The following CYRIA variants were observed in gnomAD, a reference collection of about 807,000 sequenced individuals.
CYRIA encodes CYFIP-related Rac1 interactor A.
A neutral mutation model predicts 43.9 loss-of-function variants in CYRIA; 15 were observed. The ratio of observed to expected loss-of-function variants is 0.34; its 90% CI spans 0.23 to 0.53. The LOEUF (loss-of-function observed/expected upper bound fraction) is 0.53. CYRIA is among the 20% of genes least tolerant of loss of function. The pLI, the probability that CYRIA is intolerant of heterozygous loss-of-function variation, is 0.94. For synonymous variants in CYRIA, 117 were observed against 136.0 expected (o/e 0.86, Z 0.97); for missense variants, 236 against 394.2 (o/e 0.60, Z 3.40).
intron 1 of CYRIA, among the ~76,000 whole-genome samples, chr2:16,653,612 T>C (rs1334163460): frequency 6.6e-6 from 1 of 152,142 alleles, no homozygotes; most frequent in East Asian, 1.9e-4. Flanking sequence ...GTTAGGGAGT[T>C]TGTGTGTTTG....
At chr2:16,575,187 C>T (rs1667289898) in intron 3 of CYRIA, among the ~76,000 whole-genome samples, 1 of 152,144 alleles carries the variant, frequency 6.6e-6, no homozygotes, top group Admixed American at 6.5e-5. Flanking sequence ...CTGTATTTAC[C>T]CAATGCCTGT....
chr2:16,559,550 C>T lies in CYRIA; in HGVS notation c.747G>A (p.Leu249=), dbSNP rs1346816255. 7 of 1,613,092 alleles carry T rather than the reference C, an allele frequency of 4.3e-6. No homozygotes were observed. The South Asian group carries it at 7.7e-5, about 18-fold the overall frequency. Residue 249 remains leucine, a synonymous_variant, in exon 10 of 12, where the codon CTG becomes CTA. Coordinates refer to ENST00000381323, the MANE Select transcript of CYRIA (RefSeq NM_030797.4). ...YRSRFTSEET[L]MFCMRVMVGV... ...CCACCATCACCCTCATGCAGAACATCAGGGTCTCTTCACTCGTAAACCTAC... is the reference window on the plus strand; with the variant it reads ...CCACCATCACCCTCATGCAGAACATTAGGGTCTCTTCACTCGTAAACCTAC...
chr2:16,642,431 A>G (rs77350598), intron 1 of CYRIA, among the ~76,000 whole-genome samples: 5,421 of 152,180 alleles, frequency 0.036, 142 homozygotes, highest in Middle Eastern at 0.092. Context: ...TTTTGCCTTT[A>G]CCTTGAAAAT....
chr2:16,600,109 G>A (rs1373897002), intron 2 of CYRIA, among the ~76,000 whole-genome samples: 2 of 152,198 alleles, frequency 1.3e-5, no homozygotes, highest in African/African-American at 4.8e-5. Context: ...ATGTCATATA[G>A]CACAAAGTCT....
At chr2:16,591,141 G>C (rs1425205067) in intron 2 of CYRIA, among the ~76,000 whole-genome samples, 1 of 144,440 alleles carries the variant, frequency 6.9e-6, no homozygotes, top group Non-Finnish European at 1.5e-5. Flanking sequence ...AATTCATATA[G>C]AGCTTATTTT....
chr2:16,658,708 T>C (rs2103556891), intron 1 of CYRIA, among the ~76,000 whole-genome samples: 1 of 152,322 alleles, frequency 6.6e-6, no homozygotes, highest in Non-Finnish European at 1.5e-5. Flanking sequence ...CTTTTTTTCT[T>C]TTCTTTTCCT....
chr2:16,620,487 T>C (rs560150217), intron 2 of CYRIA, among the ~76,000 whole-genome samples: 3 of 152,326 alleles, frequency 2.0e-5, no homozygotes, highest in Admixed American at 6.5e-5. Context: ...TGTGAACTTA[T>C]TTTACAGCCA....
At chr2:16,609,304 T>G in intron 2 of CYRIA, among the ~76,000 whole-genome samples, 1 of 152,158 alleles carries the variant, frequency 6.6e-6, no homozygotes, top group Admixed American at 6.5e-5. Context: ...CAGGCTCTTC[T>G]CTCCCTCCCT....
chr2:16,553,594 A>G (rs914056185), intron 11 of CYRIA, among the ~76,000 whole-genome samples: 1 of 152,182 alleles, frequency 6.6e-6, no homozygotes, highest in African/African-American at 2.4e-5. Context: ...TGTTACAATA[A>G]CTTTGTAAAG....
chr2:16,553,655 G>T (rs1175035932), intron 11 of CYRIA, among the ~76,000 whole-genome samples: 1 of 152,112 alleles, frequency 6.6e-6, no homozygotes, highest in East Asian at 1.9e-4. Context: ...ATTCAGAGAG[G>T]TTAAATGATC....
intron 2 of CYRIA, among the ~76,000 whole-genome samples, chr2:16,588,760 G>A (rs1010188816): frequency 6.6e-6 from 1 of 152,088 alleles, no homozygotes; most frequent in African/African-American, 2.4e-5. Flanking sequence ...TTTCTCAGAG[G>A]AGTGGCTCCC....
chr2:16,589,933 A>G (rs1667863227), intron 2 of CYRIA, among the ~76,000 whole-genome samples: 1 of 152,074 alleles, frequency 6.6e-6, no homozygotes, highest in Non-Finnish European at 1.5e-5. Context: ...CTCATTGGCG[A>G]TATTTAAGTA....
At chr2:16,611,085 G>C (rs1281853213) in intron 2 of CYRIA, among the ~76,000 whole-genome samples, 1 of 151,686 alleles carries the variant, frequency 6.6e-6, no homozygotes, top group Non-Finnish European at 1.5e-5. Context: ...CTAGGCCGGG[G>C]GCCGTGGCTC....
At chr2:16,581,548 T>A (rs1467111125) in intron 3 of CYRIA, among the ~76,000 whole-genome samples, 1 of 152,288 alleles carries the variant, frequency 6.6e-6, no homozygotes, top group East Asian at 1.9e-4. Flanking sequence ...GTTTCTTTTT[T>A]TTTTGTATGT....
At chr2:16,599,905 C>T (rs1271764308) in intron 2 of CYRIA, among the ~76,000 whole-genome samples, 3 of 152,122 alleles carry the variant, frequency 2.0e-5, no homozygotes, top group Non-Finnish European at 2.9e-5. Flanking sequence ...TACAGGCACC[C>T]GCCACCACAC....
chr2:16,644,632 C>G (rs201255871), intron 1 of CYRIA, among the ~76,000 whole-genome samples: 2 of 152,202 alleles, frequency 1.3e-5, no homozygotes, highest in East Asian at 1.9e-4. Context: ...AATTCAGAAG[C>G]ATGATTGGGG....
chr2:16,568,227 G>GAAA lies in CYRIA; in HGVS notation c.71-2463_71-2461dup, dbSNP rs71400699. On this transcript the variant is annotated intron_variant, in intron 3 of 11. Transcript: ENST00000381323. ...GTATAATGCAACTATTTCAAAATCAGAAAAAAAAAAAAAAAAAAAAAACCC... is the reference window on the plus strand; with the variant it reads ...GTATAATGCAACTATTTCAAAATCAGAAAAAAAAAAAAAAAAAAAAAAAAACCC... Among the ~76,000 whole-genome samples the GAAA allele has an allele frequency of 1.6e-3, 145 of 88,698 alleles. 1 individual carries two copies. Among genetic ancestry groups the GAAA allele is most frequent in the African/African-American group, 4.8e-3 (126 of 26,344 alleles). The allele number at this position is 88,698 out of a possible 152,430, so 58.2% of individuals were successfully genotyped here.
At chr2:16,655,924 T>C (rs934486391) in intron 1 of CYRIA, among the ~76,000 whole-genome samples, 3 of 152,190 alleles carry the variant, frequency 2.0e-5, no homozygotes, top group Non-Finnish European at 4.4e-5. Flanking sequence ...TATTTCTCCC[T>C]AAGAAATGTA....
At chr2:16,566,913 T>C (rs1009042805) in intron 3 of CYRIA, among the ~76,000 whole-genome samples, 4 of 152,198 alleles carry the variant, frequency 2.6e-5, no homozygotes, top group Non-Finnish European at 5.9e-5. Context: ...ACAGATGTTA[T>C]CTTATCAAAC....
Sources: allele counts gnomAD v4.1 joint callset (sites outside exome capture counted in the v4.1 genomes callset), GRCh38; gene constraint gnomAD v4.1.1; transcripts MANE v1.5; gene names NCBI Gene and HGNC (gene_info 2026-07-23, HGNC 2026-07-21).